The following PTPRK variants were observed in gnomAD, a reference collection of about 807,000 sequenced individuals.
The protein encoded by PTPRK is receptor-type tyrosine-protein phosphatase kappa.
In PTPRK, 75 loss-of-function variants were observed where a neutral mutation model predicts 178.0. That is an observed-to-expected ratio of 0.42 (90% CI 0.35 to 0.51). The LOEUF (loss-of-function observed/expected upper bound fraction) is 0.51. Ranked by LOEUF, PTPRK falls within the 20% of genes least tolerant of loss-of-function variation. The pLI is 0.02. For missense variants in PTPRK, 1,441 were observed against 1,797.8 expected, an observed-to-expected ratio of 0.80 and a Z score of 3.59; for synonymous variants, 637 against 620.6, an observed-to-expected ratio of 1.03 and a Z score of -0.39.
At chr6:128,326,864 CTA>C (rs1829652324) in intron 2 of PTPRK, among the ~76,000 whole-genome samples, 1 of 151,980 alleles carries the variant, frequency 6.6e-6, no homozygotes, top group Non-Finnish European at 1.5e-5. Context: ...TACATGAATA[CTA>C]TCTTACAAGA....
Position 128,203,081 on chromosome 6 carries a change from G to A in PTPRK, c.868+15841C>T, listed in dbSNP as rs140085045. ...CCATGATCAAGTTGGCTTCTTCCCC[G>A]GGATGCAAGGTTGGTTCAACATACA... On this transcript the variant is annotated intron_variant, in intron 6 of 29. Coordinates refer to ENST00000368226, the MANE Select transcript of PTPRK (RefSeq NM_002844.4). 5.3e-3 allele frequency among the ~76,000 whole-genome samples: 810 copies of A among 152,112 alleles called. 4 individuals carry two copies. Among genetic ancestry groups the A allele is most frequent in the Admixed American group, 6.1e-3 (93 of 15,284 alleles).
chr6:128,454,878 C>G (rs1848210368), intron 1 of PTPRK, among the ~76,000 whole-genome samples: 1 of 152,098 alleles, frequency 6.6e-6, no homozygotes, highest in African/African-American at 2.4e-5. Context: ...TATAACCAGA[C>G]ATCTGGTCCT....
At chr6:128,156,967 T>TATATATATA (rs1798039424) in intron 7 of PTPRK, among the ~76,000 whole-genome samples, 1 of 151,972 alleles carries the variant, frequency 6.6e-6, no homozygotes, top group Admixed American at 6.6e-5. Flanking sequence ...TCGGTTTCTA[T>TATATATATA]GCCTTTAAAA....
At chr6:128,343,316 A>G (rs1584264074) in intron 2 of PTPRK, among the ~76,000 whole-genome samples, 1 of 152,186 alleles carries the variant, frequency 6.6e-6, no homozygotes, top group East Asian at 1.9e-4. Context: ...CCTGGCCAAC[A>G]TGGTGAGACC....
chr6:128,350,858 G>T (rs1475183992), intron 2 of PTPRK, among the ~76,000 whole-genome samples: 3 of 152,116 alleles, frequency 2.0e-5, no homozygotes, highest in African/African-American at 7.2e-5. Context: ...CCACTAAATT[G>T]AGTCTTTTAT....
chr6:128,405,759 C>CT (rs34449841), intron 1 of PTPRK, among the ~76,000 whole-genome samples: 7 of 150,984 alleles, frequency 4.6e-5, no homozygotes, highest in East Asian at 2.0e-4. Flanking sequence ...GATCATTTTT[C>CT]TTTTTTTTTA....
At chr6:127,986,133 A>G (rs1775949369) in intron 21 of PTPRK, among the ~76,000 whole-genome samples, 1 of 152,180 alleles carries the variant, frequency 6.6e-6, no homozygotes, top group African/African-American at 2.4e-5. Context: ...GGTAAATTTT[A>G]TTTACTTTGA....
chr6:128,349,442 C>T (rs541289079), intron 2 of PTPRK, among the ~76,000 whole-genome samples: 1 of 152,002 alleles, frequency 6.6e-6, no homozygotes, highest in African/African-American at 2.4e-5. Context: ...TTCATGATCT[C>T]TGCCTTATCT....
In PTPRK at chr6:128,505,460, C is replaced by T. The variant is rs184153133; in HGVS notation, c.100+14799G>A. Reference sequence around the variant, plus strand: ...CTGTCTCAAAAAAAATAAATACACACATAAAATAAAAAATAAATGAAGATG... The same window carrying T: ...CTGTCTCAAAAAAAATAAATACACATATAAAATAAAAAATAAATGAAGATG... On this transcript the variant is annotated intron_variant, in intron 1 of 29. Coordinates refer to ENST00000368226, the MANE Select transcript of PTPRK (RefSeq NM_002844.4). Among the ~76,000 whole-genome samples, 862 of 151,838 alleles carry T rather than the reference C, an allele frequency of 5.7e-3. 7 individuals carry two copies. The highest frequency in any genetic ancestry group is 7.3e-3 in the Non-Finnish European group (498 of 67,924).
chr6:128,036,478 T>C (rs748102175), intron 13 of PTPRK, among the ~76,000 whole-genome samples: 10 of 152,114 alleles, frequency 6.6e-5, no homozygotes, highest in Non-Finnish European at 1.3e-4. Flanking sequence ...CCTTCATCAA[T>C]GGAAAAAGGC....
At chr6:127,983,074 G>T in intron 23 of PTPRK, 94 bp from the exon 24 acceptor site, 1 of 1,379,788 alleles carries the variant, frequency 7.2e-7, no homozygotes, top group Non-Finnish European at 9.9e-7. Context: ...TCTCTATATG[G>T]AAATATGAAT....
chr6:128,446,653 A>C (rs1847073641), intron 1 of PTPRK, among the ~76,000 whole-genome samples: 2 of 152,216 alleles, frequency 1.3e-5, no homozygotes, highest in African/African-American at 4.8e-5. Flanking sequence ...TGGGAAGGAA[A>C]ACTAGCAGCC....
intron 2 of PTPRK, among the ~76,000 whole-genome samples, chr6:128,374,447 C>A (rs555224834): frequency 1.3e-5 from 2 of 152,208 alleles, no homozygotes; most frequent in South Asian, 4.1e-4. Flanking sequence ...AAACCTAACT[C>A]CCATTCTTCC....
chr6:128,089,923 TC>T lies in PTPRK; in HGVS notation c.1231del (p.Glu411AsnfsTer44), dbSNP rs752514933. 6.2e-7 allele frequency: 1 copy of T among 1,612,330 alleles called. No homozygotes were observed. The highest frequency in any genetic ancestry group is 8.5e-7 in the Non-Finnish European group (1 of 1,178,354). ...ACGCGTAATGTTGTAACCCAAGGAT[TC>T]CCAGTCCACAGCAATCCGTCTTGCC... ...IQARRIAVDW[E>X]SLGYNITRCH... On this transcript the variant is annotated frameshift_variant, in exon 8 of 30. Coordinates refer to ENST00000368226, the MANE Select transcript of PTPRK (RefSeq NM_002844.4). LOFTEE classifies it high-confidence loss of function.
chr6:128,027,659 G>A (rs1299868968), intron 13 of PTPRK, among the ~76,000 whole-genome samples: 1 of 152,000 alleles, frequency 6.6e-6, no homozygotes, highest in Non-Finnish European at 1.5e-5. Flanking sequence ...GTGCAGTGGA[G>A]CCATCTCAGG....
chr6:127,977,786 C>A (rs1774779898), intron 25 of PTPRK, among the ~76,000 whole-genome samples: 1 of 152,148 alleles, frequency 6.6e-6, no homozygotes, highest in Non-Finnish European at 1.5e-5. Context: ...CCAAGTCCTC[C>A]TTGATTAGAA....
At chr6:128,151,719 T>C (rs531240536) in intron 7 of PTPRK, among the ~76,000 whole-genome samples, 1 of 152,154 alleles carries the variant, frequency 6.6e-6, no homozygotes, top group Admixed American at 6.6e-5. Flanking sequence ...AAATTAGATT[T>C]AACTACTAGA....
chr6:128,442,335 CCTT>C (rs1160219939), intron 1 of PTPRK, among the ~76,000 whole-genome samples: 5 of 152,266 alleles, frequency 3.3e-5, no homozygotes, highest in African/African-American at 1.2e-4. Context: ...TCTCTGTCCA[CCTT>C]CTTTTCCTTC....
chr6:128,430,210 GCAGCTTAATA>G (rs1312911388), intron 1 of PTPRK, among the ~76,000 whole-genome samples: 2 of 152,170 alleles, frequency 1.3e-5, no homozygotes, highest in African/African-American at 2.4e-5. Context: ...CTCTCAGGAA[GCAGCTTAATA>G]CAGCTTTGAC....
Sources: allele counts gnomAD v4.1 joint callset (sites outside exome capture counted in the v4.1 genomes callset), GRCh38; gene constraint gnomAD v4.1.1; transcripts MANE v1.5; gene names NCBI Gene and HGNC (gene_info 2026-07-23, HGNC 2026-07-21).